The following TNNI3K variants were observed in gnomAD, a reference collection of about 807,000 sequenced individuals.
TNNI3K encodes serine/threonine-protein kinase TNNI3K.
TNNI3K carries 140 observed loss-of-function variants against 114.5 expected under a neutral mutation model. The observed-to-expected ratio is 1.22, with a 90% CI of 1.07 to 1.41. The LOEUF (loss-of-function observed/expected upper bound fraction) is 1.41. Among genes scored for constraint, TNNI3K ranks in the 40% most tolerant of loss-of-function variants. The pLI is 0.00. For synonymous variants in TNNI3K, 347 were observed against 347.5 expected (o/e 1.00, Z 0.02); for missense variants, 1,125 against 1,007.6 (o/e 1.12, Z -1.58).
intron 11 of TNNI3K, among the ~76,000 whole-genome samples, chr1:74,360,246 G>A (rs981595227): frequency 2.0e-5 from 3 of 151,644 alleles, no homozygotes; most frequent in Admixed American, 6.6e-5. Flanking sequence ...TGCAAATAAG[G>A]CCGTATTATT....
intron 21 of TNNI3K, chr1:74,480,074 A>G: frequency 1.6e-6 from 1 of 630,658 alleles, no homozygotes; most frequent in East Asian, 2.7e-5. Flanking sequence ...CAAGTGTCTG[A>G]GATAAGCATC....
intron 5 of TNNI3K, among the ~76,000 whole-genome samples, chr1:74,292,997 A>T (rs766957247): frequency 2.0e-5 from 3 of 151,640 alleles, no homozygotes; most frequent in Non-Finnish European, 4.4e-5. Flanking sequence ...TTCCCTTATC[A>T]ATTTAATAAT....
At chr1:74,503,621 A>C (rs2100350540) in intron 23 of TNNI3K, among the ~76,000 whole-genome samples, 1 of 152,230 alleles carries the variant, frequency 6.6e-6, no homozygotes, top group East Asian at 1.9e-4. Context: ...GAGACGTAAA[A>C]TTTTTATGAC....
chr1:74,461,945 A>G (rs1394116186), intron 20 of TNNI3K, among the ~76,000 whole-genome samples: 1 of 152,250 alleles, frequency 6.6e-6, no homozygotes, highest in African/African-American at 2.4e-5. Flanking sequence ...ATGTTAACAT[A>G]AAGTGTTAAT....
chr1:74,390,319 C>T (rs1328479307), intron 17 of TNNI3K, among the ~76,000 whole-genome samples: 1 of 152,124 alleles, frequency 6.6e-6, no homozygotes, highest in Non-Finnish European at 1.5e-5. Flanking sequence ...CATTAACATA[C>T]AGAGAAAATC....
intron 9 of TNNI3K, chr1:74,345,901 C>A (rs1174696842): frequency 6.6e-6 from 1 of 152,150 alleles, no homozygotes; most frequent in Non-Finnish European, 1.5e-5. Context: ...CAGTAGAAAT[C>A]AGAATTTCAG....
intron 3 of TNNI3K, 47 bp from the exon 4 acceptor site, chr1:74,250,625 A>AC (rs1411324001): frequency 6.4e-7 from 1 of 1,568,408 alleles, no homozygotes; most frequent in African/African-American, 1.4e-5. Flanking sequence ...TCTCAAACTC[A>AC]CCCCATCCCC....
intron 5 of TNNI3K, among the ~76,000 whole-genome samples, chr1:74,316,693 TA>T (rs1415101443): frequency 4.6e-5 from 7 of 151,374 alleles, no homozygotes; most frequent in East Asian, 1.9e-4. Context: ...TTTATTTATT[TA>T]TTTATTTATT....
At chr1:74,360,097 T>G (rs1442375027) in intron 11 of TNNI3K, among the ~76,000 whole-genome samples, 2 of 151,964 alleles carry the variant, frequency 1.3e-5, no homozygotes, top group African/African-American at 4.8e-5. Context: ...CATCCTTTTT[T>G]CTTTTTTTTT....
intron 17 of TNNI3K, chr1:74,418,287 G>T: frequency 2.6e-6 from 1 of 384,298 alleles, no homozygotes; most frequent in Non-Finnish European, 5.2e-6. Flanking sequence ...AACGAATGAA[G>T]TCACCACATC....
At chr1:74,257,663 C>CTTACCTCTTTTT (rs771946564) in intron 4 of TNNI3K, among the ~76,000 whole-genome samples, 3 of 87,242 alleles carry the variant, frequency 3.4e-5, no homozygotes, top group African/African-American at 1.6e-4. Flanking sequence ...TGGCTTACCT[C>CTTACCTCTTTTT]TTTTTTTTTT....
Position 74,501,353 on chromosome 1 carries a change from A to T in TNNI3K, c.2351+9087A>T, listed in dbSNP as rs1041328638. 1.3e-5 allele frequency among the ~76,000 whole-genome samples: 2 copies of T among 152,164 alleles called. 1 individual carries two copies. Among genetic ancestry groups the T allele is most frequent in the African/African-American group, 4.8e-5 (2 of 41,434 alleles). Reference sequence around the variant, plus strand: ...CATTTACAATTTTACAGGAGAGTTTAAAAAAAGCTGTAGACCTGCTCCATA... The same window carrying T: ...CATTTACAATTTTACAGGAGAGTTTTAAAAAAGCTGTAGACCTGCTCCATA... On this transcript the variant is annotated intron_variant, in intron 23 of 24. Coordinates refer to ENST00000326637, the MANE Select transcript of TNNI3K (RefSeq NM_015978.3).
At chr1:74,236,290 T>G in intron 2 of TNNI3K, 80 bp downstream of exon 2, 3 of 1,296,988 alleles carry the variant, frequency 2.3e-6, no homozygotes, top group Non-Finnish European at 3.2e-6. Context: ...TGTATATTTT[T>G]TAAACCCGTA....
intron 2 of TNNI3K, among the ~76,000 whole-genome samples, chr1:74,246,887 C>T (rs1654594893): frequency 6.6e-6 from 1 of 152,176 alleles, no homozygotes; most frequent in South Asian, 2.1e-4. Flanking sequence ...AAGCCTCATT[C>T]TTATAGTTAT....
intron 5 of TNNI3K, among the ~76,000 whole-genome samples, chr1:74,315,362 T>A (rs1659250285): frequency 6.6e-6 from 1 of 152,106 alleles, no homozygotes; most frequent in South Asian, 2.1e-4. Context: ...ATATATTTAT[T>A]GTGTATTTAA....
At chr1:74,368,992 A>G in intron 13 of TNNI3K, 30 bp from the exon 14 acceptor site, 1 of 1,573,108 alleles carries the variant, frequency 6.4e-7, no homozygotes, top group Non-Finnish European at 8.6e-7. Context: ...TTTTTACCTT[A>G]AAAAATAAAA....
At chr1:74,336,952 C>T (rs11210451) in intron 7 of TNNI3K, among the ~76,000 whole-genome samples, 12,813 of 151,072 alleles carry the variant, frequency 0.085, 843 homozygotes, top group African/African-American at 0.18. Flanking sequence ...TTGAACTAGT[C>T]TACAGTCCCA....
At chr1:74,483,587 CT>C (rs1304435912) in intron 21 of TNNI3K, among the ~76,000 whole-genome samples, 3 of 152,168 alleles carry the variant, frequency 2.0e-5, no homozygotes, top group Non-Finnish European at 4.4e-5. Context: ...ATTCAGAGAG[CT>C]CACATCCAGG....
intron 17 of TNNI3K, among the ~76,000 whole-genome samples, chr1:74,386,727 T>A (rs1226576457): frequency 6.6e-6 from 1 of 152,170 alleles, no homozygotes; most frequent in South Asian, 2.1e-4. Flanking sequence ...TTAGCCCAAA[T>A]TCAGACAATT....
Sources: allele counts gnomAD v4.1 joint callset (sites outside exome capture counted in the v4.1 genomes callset), GRCh38; gene constraint gnomAD v4.1.1; transcripts MANE v1.5; gene names NCBI Gene and HGNC (gene_info 2026-07-23, HGNC 2026-07-21).